Variants in ANKS1B observed in about 807,000 individuals in gnomAD.
The protein encoded by ANKS1B is ankyrin repeat and sterile alpha motif domain-containing protein 1B.
In ANKS1B, 36 loss-of-function variants were observed where a neutral mutation model predicts 148.3. That is an observed-to-expected ratio of 0.24 (90% confidence interval 0.19 to 0.32). The LOEUF is 0.32. ANKS1B is among the 10% of genes least tolerant of loss of function. The pLI is 1.00. For synonymous variants in ANKS1B, 542 were observed against 560.8 expected (o/e 0.97, Z 0.47); for missense variants, 1,157 against 1,542.6 (o/e 0.75, Z 4.19).
intron 12 of ANKS1B, among the ~76,000 whole-genome samples, chr12:99,313,931 G>C (rs1169773015): frequency 1.3e-5 from 2 of 152,154 alleles, no homozygotes; most frequent in African/African-American, 4.8e-5. Flanking sequence ...AATCAGGCAA[G>C]AGAAAGAAAC....
intron 17 of ANKS1B, among the ~76,000 whole-genome samples, chr12:98,932,820 C>T (rs959431738): frequency 1.3e-5 from 2 of 152,038 alleles, no homozygotes; most frequent in Non-Finnish European, 2.9e-5. Context: ...TACCAATGTG[C>T]TTTTTTGAAC....
At position 99,629,525 on chromosome 12, in the gene ANKS1B, T is replaced by C. The variant is rs149520768; in HGVS notation, c.1272+25542A>G. On this transcript the variant is annotated intron_variant, in intron 9 of 26. Coordinates refer to ENST00000683438, the MANE Select transcript of ANKS1B (RefSeq NM_001352186.2). ...TATTATAAACACTTAATATAAATAG[T>C]ATATGTCATTATTCCTCACTACACC... Among the ~76,000 whole-genome samples the C allele has an allele frequency of 9.8e-3, 1,494 of 152,222 alleles. 29 individuals carry two copies. The highest frequency in any genetic ancestry group is 0.034 in the African/African-American group (1,430 of 41,524).
At chr12:99,950,698 A>T (rs1335919343) in intron 1 of ANKS1B, among the ~76,000 whole-genome samples, 1 of 151,996 alleles carries the variant, frequency 6.6e-6, no homozygotes. Context: ...AACACACCAA[A>T]TACTTCATTT....
chr12:99,285,436 T>A (rs1725046839), intron 12 of ANKS1B, among the ~76,000 whole-genome samples: 1 of 152,244 alleles, frequency 6.6e-6, no homozygotes, highest in Non-Finnish European at 1.5e-5. Flanking sequence ...TGTATAAAAC[T>A]CATTCTATCG....
At chr12:98,997,462 C>A (rs1044024905) in intron 17 of ANKS1B, among the ~76,000 whole-genome samples, 1 of 147,592 alleles carries the variant, frequency 6.8e-6, no homozygotes, top group Non-Finnish European at 1.5e-5. Flanking sequence ...AGTGCAGTGG[C>A]GTGATCTTGG....
intron 8 of ANKS1B, among the ~76,000 whole-genome samples, chr12:99,765,805 C>T (rs2062588566): frequency 6.6e-6 from 1 of 152,124 alleles, no homozygotes. Flanking sequence ...ATCTCTTCAG[C>T]AACATAAAAG....
chr12:99,484,416 T>C (rs1440520109), intron 10 of ANKS1B, among the ~76,000 whole-genome samples: 2 of 152,008 alleles, frequency 1.3e-5, no homozygotes, highest in African/African-American at 2.4e-5. Flanking sequence ...GCCTGTCATA[T>C]GGTCTATCTT....
chr12:99,970,670 T>C (rs2095547162), intron 1 of ANKS1B, among the ~76,000 whole-genome samples: 1 of 152,148 alleles, frequency 6.6e-6, no homozygotes, highest in Admixed American at 6.6e-5. Flanking sequence ...CCCCAAGCTA[T>C]ATTCTATATT....
At chr12:99,102,638 G>A (rs73388615) in intron 15 of ANKS1B, among the ~76,000 whole-genome samples, 49 of 152,328 alleles carry the variant, frequency 3.2e-4, no homozygotes, top group African/African-American at 1.2e-3. Context: ...CGGCTACTCC[G>A]GGGGCTGATG....
chr12:99,557,515 T>C (rs573116553), intron 9 of ANKS1B, among the ~76,000 whole-genome samples: 7 of 152,182 alleles, frequency 4.6e-5, no homozygotes, highest in Non-Finnish European at 7.4e-5. Context: ...TATCAGATGA[T>C]TGTGACTCCT....
intron 15 of ANKS1B, among the ~76,000 whole-genome samples, chr12:99,108,414 G>A (rs974268433): frequency 1.3e-5 from 2 of 152,152 alleles, no homozygotes; most frequent in African/African-American, 2.4e-5. Flanking sequence ...TTTGAAGAAC[G>A]TATAAATGAA....
At chr12:99,880,599 T>G (rs2153736520) in intron 1 of ANKS1B, among the ~76,000 whole-genome samples, 1 of 152,344 alleles carries the variant, frequency 6.6e-6, no homozygotes, top group East Asian at 1.9e-4. Context: ...CAGGTAGTAG[T>G]ATAGAATAGT....
In ANKS1B at chr12:99,533,953, A is replaced by G. The variant is rs532771871; in HGVS notation, c.1273-29312T>C. 2.3e-4 allele frequency among the ~76,000 whole-genome samples: 35 copies of G among 152,332 alleles called. No individual in the cohort carries two copies. In the South Asian group the frequency reaches 6.6e-3, roughly 29 times the overall value. On this transcript the variant is annotated intron_variant, in intron 9 of 26. Transcript: ENST00000683438. ...CTTAAAAATATGGAGAAAAACTTGA[A>G]TGGCCTCCCAAAACCTTCCAATCCC...
intron 1 of ANKS1B, among the ~76,000 whole-genome samples, chr12:99,909,896 C>T (rs913847494): frequency 6.6e-6 from 1 of 151,836 alleles, no homozygotes; most frequent in South Asian, 2.1e-4. Context: ...ACTATTTCTC[C>T]TGGAAGATGA....
At chr12:99,914,123 CCCATG>C (rs1265319420) in intron 1 of ANKS1B, among the ~76,000 whole-genome samples, 1 of 152,158 alleles carries the variant, frequency 6.6e-6, no homozygotes, top group Non-Finnish European at 1.5e-5. Context: ...ACATACACTA[CCCATG>C]CCTAAGTCCT....
chr12:98,984,173 C>T (rs1278885938), intron 17 of ANKS1B, among the ~76,000 whole-genome samples: 1 of 152,154 alleles, frequency 6.6e-6, no homozygotes, highest in East Asian at 1.9e-4. Context: ...AACCCTTAAG[C>T]CCAGAGGTCC....
At chr12:99,171,903 G>A (rs2077807131) in intron 14 of ANKS1B, among the ~76,000 whole-genome samples, 1 of 152,086 alleles carries the variant, frequency 6.6e-6, no homozygotes, top group Non-Finnish European at 1.5e-5. Flanking sequence ...ACATGTCCCA[G>A]CCTCAAAGAT....
chr12:99,666,566 TTTTC>T (rs1374283436), intron 8 of ANKS1B, among the ~76,000 whole-genome samples: 14 of 151,976 alleles, frequency 9.2e-5, no homozygotes, highest in African/African-American at 3.1e-4. Context: ...ACGTATTAGG[TTTTC>T]TTTAATTTCC....
At chr12:99,128,252 A>G (rs1306496872) in intron 15 of ANKS1B, among the ~76,000 whole-genome samples, 1 of 152,186 alleles carries the variant, frequency 6.6e-6, no homozygotes, top group East Asian at 1.9e-4. Flanking sequence ...AACTGGTTAA[A>G]AACTACACAG....
Sources: gnomAD v4.1 joint callset for allele counts (sites outside exome capture counted in the v4.1 genomes callset) on GRCh38, gnomAD v4.1.1 for gene constraint, MANE v1.5 for transcripts, NCBI Gene and HGNC (gene_info 2026-07-23, HGNC 2026-07-21) for gene names.